Variants in IL1R2 observed in about 807,000 individuals in gnomAD.
IL1R2 encodes the protein interleukin 1 receptor type 2, also known as interleukin-1 receptor type 2.
IL1R2 carries 46 observed loss-of-function variants against 39.5 expected under a neutral mutation model. The ratio of observed to expected loss-of-function variants is 1.16; its 90% CI spans 0.92 to 1.49. IL1R2 has a LOEUF of 1.49. Among genes scored for constraint, IL1R2 ranks in the 40% most tolerant of loss-of-function variants. IL1R2 has a pLI of 0.00. For missense variants in IL1R2, 537 were observed against 502.0 expected, an observed-to-expected ratio of 1.07 and a Z score of -0.67; for synonymous variants, 207 against 189.6, an observed-to-expected ratio of 1.09 and a Z score of -0.75.
intron 4 of IL1R2, chr2:102,016,266 G>A: frequency 4.5e-6 from 2 of 444,080 alleles, no homozygotes; most frequent in Non-Finnish European, 8.1e-6. Context: ...TAAAATAACA[G>A]TACAATACAA....
At chr2:102,015,561 T>C (rs2282746) in intron 3 of IL1R2, among the ~76,000 whole-genome samples, 25,782 of 152,192 alleles carry the variant, frequency 0.17, 2,608 homozygotes, top group East Asian at 0.29. Flanking sequence ...GGGCTGAGAA[T>C]GCTTACATTA....
chr2:102,024,777 T>C (rs1677634385), intron 7 of IL1R2, 109 bp downstream of exon 7: 2 of 1,312,102 alleles, frequency 1.5e-6, no homozygotes, highest in African/African-American at 3.0e-5. Context: ...TTTTTTTGAT[T>C]CCAAACTGTT....
At chr2:102,014,911 T>C (rs1325949648) in intron 3 of IL1R2, among the ~76,000 whole-genome samples, 3 of 150,732 alleles carry the variant, frequency 2.0e-5, no homozygotes, top group Non-Finnish European at 4.4e-5. Context: ...AAGGTCTTGA[T>C]AGAATTATGG....
chr2:102,022,128 A>G lies in IL1R2; in HGVS notation c.689-59A>G, dbSNP rs900448658. ...GTTGATTAGCCAAACAATGACTTGA[A>G]CCACAGCGTCAAATGAAGGCTTTCC... is the stretch of plus-strand genomic sequence containing the variant. On this transcript the variant is annotated intron_variant, in intron 5 of 8. Coordinates refer to ENST00000332549, the MANE Select transcript of IL1R2 (RefSeq NM_004633.4). 14 of 1,385,720 alleles carry G rather than the reference A, an allele frequency of 1.0e-5. No individual in the cohort carries two copies. The East Asian group carries it at 3.2e-4, about 32-fold the overall frequency. The allele number at this position is 1,385,720 out of a possible 1,614,324, so 85.8% of individuals were successfully genotyped here.
At chr2:102,013,871 G>A (rs1429741973) in intron 3 of IL1R2, among the ~76,000 whole-genome samples, 1 of 152,096 alleles carries the variant, frequency 6.6e-6, no homozygotes, top group Non-Finnish European at 1.5e-5. Flanking sequence ...CATGAGCTAG[G>A]AAGAGTCCCC....
intron 3 of IL1R2, 35 bp downstream of exon 3, chr2:102,009,861 C>T: frequency 6.2e-7 from 1 of 1,605,644 alleles, no homozygotes; most frequent in South Asian, 1.1e-5. Context: ...GGAGGGGATC[C>T]TGGCAGGATG....
At chr2:102,017,873 T>C (rs140763440) in intron 4 of IL1R2, among the ~76,000 whole-genome samples, 1 of 152,204 alleles carries the variant, frequency 6.6e-6, no homozygotes, top group Non-Finnish European at 1.5e-5. Flanking sequence ...GGTCAACTCC[T>C]GATAGAGACC....
chr2:101,996,485 GT>G (rs11382814), intron 1 of IL1R2, among the ~76,000 whole-genome samples: 30 of 82,418 alleles, frequency 3.6e-4, no homozygotes, highest in African/African-American at 1.0e-3. Context: ...TGTTTTCAGT[GT>G]TTTTTTTTTT....
At chr2:101,997,086 T>C in intron 1 of IL1R2, among the ~76,000 whole-genome samples, 1 of 152,052 alleles carries the variant, frequency 6.6e-6, no homozygotes, top group Non-Finnish European at 1.5e-5. Flanking sequence ...CAGGGAGTGG[T>C]GGGCAGCTGA....
chr2:102,009,938 T>A, intron 3 of IL1R2, 112 bp downstream of exon 3: 1 of 1,227,756 alleles, frequency 8.1e-7, no homozygotes, highest in South Asian at 1.4e-5. Context: ...ACAAATCCAG[T>A]GAATCCACAT....
intron 6 of IL1R2, chr2:102,023,654 T>G (rs931216106): frequency 6.6e-6 from 1 of 152,090 alleles, no homozygotes; most frequent in Non-Finnish European, 1.5e-5. Context: ...TTCCTTCTAC[T>G]CTTCTTTGTG....
chr2:102,022,061 C>T, intron 5 of IL1R2, 126 bp from the exon 6 acceptor site: 1 of 778,464 alleles, frequency 1.3e-6, no homozygotes, highest in Non-Finnish European at 2.2e-6. Context: ...CAGACAAAGC[C>T]TGACTCTCAT....
At chr2:101,993,938 C>T (rs1245669448) in intron 1 of IL1R2, among the ~76,000 whole-genome samples, 2 of 152,200 alleles carry the variant, frequency 1.3e-5, no homozygotes, top group Admixed American at 6.5e-5. Context: ...TTTCTGCACT[C>T]CATCCCACCT....
chr2:101,992,311 AAAGACAGAGACAGAGAGAGGCAGG>A (rs1675375542), intron 1 of IL1R2, among the ~76,000 whole-genome samples: 6 of 150,496 alleles, frequency 4.0e-5, no homozygotes, highest in African/African-American at 1.2e-4. Context: ...AGAGACAGAG[AAAGACAGAGACAGAGAGAGGCAGG>A]GAGACAGAGA....
chr2:102,000,826 G>A (rs576147519), intron 1 of IL1R2, among the ~76,000 whole-genome samples: 6 of 152,280 alleles, frequency 3.9e-5, no homozygotes, highest in African/African-American at 9.6e-5. Flanking sequence ...CCATTGCTCC[G>A]TGTTTATAAT....
chr2:101,997,977 A>G (rs1675672064), intron 1 of IL1R2, among the ~76,000 whole-genome samples: 1 of 152,132 alleles, frequency 6.6e-6, no homozygotes, highest in Non-Finnish European at 1.5e-5. Context: ...CCCCTGCATC[A>G]TATTCACTTC....
intron 3 of IL1R2, among the ~76,000 whole-genome samples, chr2:102,013,551 AAGGAAAGAAAGAAAAGAAAAGAAGG>A (rs1676779892): frequency 3.3e-5 from 4 of 119,564 alleles, no homozygotes; most frequent in Non-Finnish European, 4.9e-5. Context: ...AAAAAAAAAA[AAGGAAAGAAAGAAAAGAAAAGAAGG>A]AAAAGAAAAA....
chr2:102,023,843 C>T (rs898743327), intron 6 of IL1R2, among the ~76,000 whole-genome samples: 2 of 151,656 alleles, frequency 1.3e-5, no homozygotes, highest in African/African-American at 4.8e-5. Context: ...GTTAGGAGAT[C>T]GAGACCATCC....
At chr2:102,016,112 A>G (rs3819370) in intron 4 of IL1R2, 61 bp downstream of exon 4, 175,985 of 1,323,420 alleles carry the variant, frequency 0.13, 14,520 homozygotes, top group East Asian at 0.31. Context: ...TAGCCATAAA[A>G]GAAAGACTTA....
Sources: gnomAD v4.1 joint callset for allele counts (sites outside exome capture counted in the v4.1 genomes callset) on GRCh38, gnomAD v4.1.1 for gene constraint, MANE v1.5 for transcripts, NCBI Gene and HGNC (gene_info 2026-07-23, HGNC 2026-07-21) for gene names.